Variants in RASSF4 observed in about 807,000 individuals in gnomAD.
The protein encoded by RASSF4 is Ras association domain family member 4, also known as ras association domain-containing protein 4.
RASSF4 carries 38 observed loss-of-function variants against 41.1 expected under a neutral mutation model. The ratio of observed to expected loss-of-function variants is 0.92; its 90% CI spans 0.71 to 1.21. RASSF4 has a LOEUF of 1.21. Ranked by LOEUF, RASSF4 falls within the 50% of genes most tolerant of loss-of-function variation. RASSF4 has a pLI of 0.00. For synonymous variants in RASSF4, 179 were observed against 163.4 expected (o/e 1.10, Z -0.73); for missense variants, 414 against 419.4 (o/e 0.99, Z 0.11).
chr10:44,990,518 C>G (rs1320384844), intron 8 of RASSF4: 1 of 154,650 alleles, frequency 6.5e-6, no homozygotes, highest in East Asian at 1.9e-4. Flanking sequence ...CGGGGAGCTG[C>G]GGGAAGGGAA....
rs199694570 is a variant in RASSF4, at chr10:44,977,451, G to A, written c.139-5070G>A. 5.6e-4 allele frequency: 896 copies of A among 1,611,496 alleles called. 10 individuals carry two copies. In the East Asian group the frequency reaches 0.019, roughly 33 times the overall value. On this transcript the variant is annotated intron_variant, in intron 3 of 10. Transcript: ENST00000340258. ...AGTGTTCTGAGGACACTGCTGGGGCGGGGGCGGTGGCGGGAGGCCATGGCT... is the reference window on the plus strand; with the variant it reads ...AGTGTTCTGAGGACACTGCTGGGGCAGGGGCGGTGGCGGGAGGCCATGGCT...
intron 4 of RASSF4, 27 bp downstream of exon 4, chr10:44,982,690 C>T: frequency 6.2e-7 from 1 of 1,605,828 alleles, no homozygotes; most frequent in Non-Finnish European, 8.5e-7. Context: ...TTCTGTGACA[C>T]CTGCTCAGCC....
chr10:44,975,725 C>T (rs1007973545), intron 3 of RASSF4, among the ~76,000 whole-genome samples: 2 of 150,852 alleles, frequency 1.3e-5, no homozygotes, highest in Non-Finnish European at 2.9e-5. Context: ...GAAGCCCCAA[C>T]CACAAACCTG....
At chr10:44,990,210 C>T (rs1157723229) in intron 8 of RASSF4, among the ~76,000 whole-genome samples, 1 of 152,218 alleles carries the variant, frequency 6.6e-6, no homozygotes, top group Non-Finnish European at 1.5e-5. Flanking sequence ...TCTCTTCAAG[C>T]TGCACCTTTG....
chr10:44,991,634 A>C (rs771024212), intron 9 of RASSF4, among the ~76,000 whole-genome samples: 6 of 152,170 alleles, frequency 3.9e-5, no homozygotes, highest in Non-Finnish European at 8.8e-5. Context: ...GAGGGCACCC[A>C]ATGTGACAAT....
At chr10:44,979,421 G>T (rs1465498212) in intron 3 of RASSF4, among the ~76,000 whole-genome samples, 1 of 152,232 alleles carries the variant, frequency 6.6e-6, no homozygotes, top group African/African-American at 2.4e-5. Context: ...GCGGACAAAG[G>T]TGTGGCCCCC....
At position 44,984,918 on chromosome 10, in the gene RASSF4, A is replaced by T; in HGVS notation, c.479A>T (p.Gln160Leu). ...RPKCRAPGEA[Q>L]RIRRHRFSIN... ...AAGTGCCGCGCCCCCGGTGAGGCCC[A>T]GCGCATCCGGCGACACCGGTTCTCT... Residue 160 changes from glutamine (Q) to leucine (L), a missense_variant, in exon 6 of 11, where the codon CAG (glutamine) becomes CTG (leucine). Transcript: ENST00000340258. 1 of 1,613,468 alleles carries T rather than the reference A, an allele frequency of 6.2e-7. No individual in the cohort carries two copies. Among genetic ancestry groups the T allele is most frequent in the Non-Finnish European group, 8.5e-7 (1 of 1,180,006 alleles).
At chr10:44,979,205 T>A (rs909656155) in intron 3 of RASSF4, among the ~76,000 whole-genome samples, 1 of 152,176 alleles carries the variant, frequency 6.6e-6, no homozygotes, top group African/African-American at 2.4e-5. Context: ...GACCCCAGTC[T>A]GGAGGCAGCT....
chr10:44,983,828 A>T (rs1841812347), intron 4 of RASSF4, 194 bp from the exon 5 acceptor site: 2 of 909,700 alleles, frequency 2.2e-6, no homozygotes, highest in African/African-American at 1.7e-5. Flanking sequence ...TCCGTCCAGC[A>T]GATGCTGGGG....
intron 1 of RASSF4, among the ~76,000 whole-genome samples, chr10:44,961,820 C>T (rs1175605738): frequency 6.6e-6 from 1 of 152,208 alleles, no homozygotes; most frequent in East Asian, 1.9e-4. Context: ...CAGAGCCTTG[C>T]AAAGGCTAGG....
chr10:44,980,386 G>A (rs1158790243), intron 3 of RASSF4, among the ~76,000 whole-genome samples: 3 of 152,302 alleles, frequency 2.0e-5, no homozygotes, highest in South Asian at 2.1e-4. Context: ...GGAGGGAGGC[G>A]GAGAATTCGC....
At chr10:44,962,591 C>T (rs1331578075) in intron 1 of RASSF4, among the ~76,000 whole-genome samples, 1 of 152,230 alleles carries the variant, frequency 6.6e-6, no homozygotes, top group Non-Finnish European at 1.5e-5. Flanking sequence ...AGCCCTGCAG[C>T]AGCAGGCACC....
At chr10:44,966,053 G>A (rs944217428) in intron 1 of RASSF4, among the ~76,000 whole-genome samples, 7 of 152,110 alleles carry the variant, frequency 4.6e-5, no homozygotes, top group African/African-American at 9.7e-5. Flanking sequence ...TGTCAACCAC[G>A]GCAATCCCCT....
At chr10:44,978,716 G>C (rs571020804) in intron 3 of RASSF4, 1 of 152,670 alleles carries the variant, frequency 6.6e-6, no homozygotes, top group Non-Finnish European at 1.5e-5. Flanking sequence ...GAAGGGTGGA[G>C]GGTCCGGCAG....
chr10:44,977,319 T>A, intron 3 of RASSF4: 1 of 1,497,850 alleles, frequency 6.7e-7, no homozygotes, highest in South Asian at 1.4e-5. Flanking sequence ...CCAGGGGCAG[T>A]GACCACCATG....
chr10:44,984,992 TC>T (rs758885351), intron 6 of RASSF4, 22 bp downstream of exon 6: 3 of 1,598,844 alleles, frequency 1.9e-6, no homozygotes, highest in Non-Finnish European at 2.6e-6. Flanking sequence ...GCCTGGCCTC[TC>T]CCCTGGGCGC....
At chr10:44,976,034 TTGGCTAAAGGCTGCCC>T in intron 3 of RASSF4, 1 of 152,322 alleles carries the variant, frequency 6.6e-6, no homozygotes, top group East Asian at 1.9e-4. Flanking sequence ...AGGATGATGA[TTGGCTAAAGGCTGCCC>T]CGGCTAAAGG....
chr10:44,979,974 G>C lies in RASSF4; in HGVS notation c.139-2547G>C, dbSNP rs552785178. On this transcript the variant is annotated intron_variant, in intron 3 of 10. Transcript: ENST00000340258. ...GCAAAGGAGGCTGCCAAGGATGAGA[G>C]AGGCAGCCCCTGGGAAGCTCCTGCA... 3.3e-5 allele frequency among the ~76,000 whole-genome samples: 5 copies of C among 152,222 alleles called. No individual in the cohort carries two copies. In the East Asian group the frequency reaches 9.7e-4, roughly 29 times the overall value.
chr10:44,966,429 A>T (rs1840906039), intron 1 of RASSF4, among the ~76,000 whole-genome samples: 1 of 152,188 alleles, frequency 6.6e-6, no homozygotes, highest in Admixed American at 6.5e-5. Context: ...CACTGGTGGG[A>T]CTTCGACCCC....
Sources: gnomAD v4.1 joint callset for allele counts (sites outside exome capture counted in the v4.1 genomes callset) on GRCh38, gnomAD v4.1.1 for gene constraint, MANE v1.5 for transcripts, NCBI Gene and HGNC (gene_info 2026-07-23, HGNC 2026-07-21) for gene names.